DCTN5: variants seen among roughly 807,000 people sequenced by gnomAD.
DCTN5 encodes dynactin subunit 5.
In DCTN5, 14 loss-of-function variants were observed where a neutral mutation model predicts 23.5. The observed-to-expected ratio is 0.60, with a 90% CI of 0.39 to 0.93. DCTN5 has a LOEUF of 0.93. Ranked by LOEUF, DCTN5 falls within the 40% of genes least tolerant of loss-of-function variation. The pLI, the probability that DCTN5 is intolerant of heterozygous loss-of-function variation, is 0.00. For synonymous variants in DCTN5, 67 were observed against 79.6 expected (o/e 0.84, Z 0.84); for missense variants, 156 against 225.9 (o/e 0.69, Z 1.98).
chr16:23,642,725 G>A (rs1967322107), intron 1 of DCTN5: 9 of 508,164 alleles, frequency 1.8e-5, no homozygotes, highest in Non-Finnish European at 2.8e-5. Context: ...GTCCTCAAGG[G>A]ATCCGTCTGC....
In DCTN5 at chr16:23,667,193, G is replaced by C. The variant is rs1382422360; in HGVS notation, c.*49G>C. The C allele has an allele frequency of 1.2e-6, 2 of 1,604,926 alleles. No individual in the cohort carries two copies. Among genetic ancestry groups the C allele is most frequent in the Non-Finnish European group, 1.7e-6 (2 of 1,175,016 alleles). ...CTGCTTGAGCTCTAAGATGAACCTG[G>C]GGACAAAGTGAGCCAGTCAGCACCT... On this transcript the variant is annotated 3_prime_UTR_variant, in exon 6 of 6. Coordinates refer to ENST00000300087, the MANE Select transcript of DCTN5 (RefSeq NM_032486.4).
chr16:23,662,766 G>A (rs768038499), intron 4 of DCTN5, among the ~76,000 whole-genome samples: 3 of 152,158 alleles, frequency 2.0e-5, no homozygotes, highest in Non-Finnish European at 4.4e-5. Flanking sequence ...CTTCCAGCTG[G>A]GGGTTTCTGA....
At chr16:23,657,408 A>G (rs569616913) in intron 2 of DCTN5, 9 of 362,722 alleles carry the variant, frequency 2.5e-5, no homozygotes, top group Admixed American at 6.8e-5. Flanking sequence ...GTGAGCTATG[A>G]TTGTGGCACT....
rs1383734607 is a variant in DCTN5 at position 23,671,175 on chromosome 16, T to A, written c.*4031T>A. ...TGTGACTTTGAGCAAGTTATCTTAC[T>A]TCGTGGAACCTCAGGTTTCTCATCC... On this transcript the variant is annotated 3_prime_UTR_variant, in exon 6 of 6. Coordinates refer to ENST00000300087, the MANE Select transcript of DCTN5 (RefSeq NM_032486.4). The A allele has an allele frequency of 6.6e-6, 1 of 152,148 alleles. No individual in the cohort carries two copies. The highest frequency in any genetic ancestry group is 6.5e-5 in the Admixed American group (1 of 15,276). 9.4% of individuals were successfully genotyped at this position (152,148 alleles called of 1,614,324 possible).
intron 2 of DCTN5, among the ~76,000 whole-genome samples, chr16:23,647,610 C>T (rs973395273): frequency 6.6e-6 from 1 of 151,560 alleles, no homozygotes; most frequent in Non-Finnish European, 1.5e-5. Context: ...CAGGTTCAAG[C>T]AATTGTCCTG....
intron 2 of DCTN5, among the ~76,000 whole-genome samples, chr16:23,648,352 T>TTTTC (rs1567229640): frequency 1.4e-5 from 2 of 145,842 alleles, no homozygotes; most frequent in African/African-American, 5.0e-5. Flanking sequence ...TTCTTTTTTT[T>TTTTC]TTTTTTTTTT....
chr16:23,641,629 C>T (rs1287461766), intron 1 of DCTN5, 39 bp downstream of exon 1: 1 of 1,611,830 alleles, frequency 6.2e-7, no homozygotes, highest in African/African-American at 1.3e-5. Flanking sequence ...CTTTCCAACC[C>T]TGCGTCCCTT....
intron 2 of DCTN5, among the ~76,000 whole-genome samples, chr16:23,643,976 C>T (rs1441737221): frequency 6.6e-6 from 1 of 152,078 alleles, no homozygotes; most frequent in African/African-American, 2.4e-5. Context: ...TATTACATCT[C>T]TAACTTCCAG....
chr16:23,665,954 A>G (rs1967898235), intron 5 of DCTN5: 1 of 538,778 alleles, frequency 1.9e-6, no homozygotes, highest in Admixed American at 3.4e-5. Context: ...GAAGGGCCAA[A>G]CACAAAGAGG....
intron 2 of DCTN5, 95 bp downstream of exon 2, chr16:23,643,118 A>G: frequency 2.1e-6 from 2 of 930,738 alleles, no homozygotes; most frequent in Admixed American, 4.5e-5. Flanking sequence ...CATATCTCCT[A>G]TTTATTGTTT....
Position 23,659,323 on chromosome 16 carries a change from C to T in DCTN5, c.236+698C>T, listed in dbSNP as rs189143399. 1.5e-4 allele frequency among the ~76,000 whole-genome samples: 23 copies of T among 152,310 alleles called. 1 individual carries two copies. In the East Asian group the frequency reaches 2.1e-3, roughly 14 times the overall value. ...GCCAGGGACAGAGCAGGCAAACTGA[C>T]CACCATAGCTGATAATGGTGCTAAA... On this transcript the variant is annotated intron_variant, in intron 3 of 5. Coordinates refer to ENST00000300087, the MANE Select transcript of DCTN5 (RefSeq NM_032486.4).
chr16:23,645,664 T>C (rs1031489717), intron 2 of DCTN5, among the ~76,000 whole-genome samples: 1 of 152,214 alleles, frequency 6.6e-6, no homozygotes, highest in African/African-American at 2.4e-5. Context: ...ATTTGTCCTT[T>C]TTGTCTGGCT....
chr16:23,647,714 G>C (rs1967499929), intron 2 of DCTN5, among the ~76,000 whole-genome samples: 1 of 151,638 alleles, frequency 6.6e-6, no homozygotes, highest in African/African-American at 2.4e-5. Context: ...TACCATGTTG[G>C]CCAGGCTGGT....
intron 2 of DCTN5, among the ~76,000 whole-genome samples, chr16:23,649,960 C>G (rs1041263967): frequency 1.3e-5 from 2 of 151,960 alleles, no homozygotes; most frequent in Non-Finnish European, 2.9e-5. Flanking sequence ...AAGAGATTGT[C>G]CTTTTCCAGA....
At chr16:23,651,014 C>G in intron 2 of DCTN5, 1 of 1,407,082 alleles carries the variant, frequency 7.1e-7, no homozygotes, top group East Asian at 2.5e-5. Context: ...TTTTAAAATG[C>G]AAGATGTTCC....
intron 1 of DCTN5, among the ~76,000 whole-genome samples, chr16:23,642,353 C>T (rs981583092): frequency 3.9e-5 from 6 of 152,234 alleles, no homozygotes; most frequent in African/African-American, 1.4e-4. Context: ...CTCTGATACT[C>T]ATAGTCATTA....
chr16:23,659,006 T>G lies in DCTN5; in HGVS notation c.236+381T>G, dbSNP rs1967763579. Among the ~76,000 whole-genome samples the G allele has an allele frequency of 2.0e-5, 3 of 152,184 alleles. No individual in the cohort carries two copies. In the South Asian group the frequency reaches 6.2e-4, roughly 32 times the overall value. ...CTGTATCTGAGACTGTATTTTTTCT[T>G]CTATACTGCCCTTCTCTCTGCATTT... is the stretch of plus-strand genomic sequence containing the variant. On this transcript the variant is annotated intron_variant, in intron 3 of 5. Coordinates refer to ENST00000300087, the MANE Select transcript of DCTN5 (RefSeq NM_032486.4).
rs750453721 is a variant in DCTN5 at position 23,672,526 on chromosome 16, G to C, written c.*5382G>C. The C allele has an allele frequency of 6.6e-6, 1 of 152,206 alleles. No homozygotes were observed. The highest frequency in any genetic ancestry group is 2.4e-5 in the African/African-American group (1 of 41,438). The allele number at this position is 152,206 out of a possible 1,614,324, so 9.4% of individuals were successfully genotyped here. On this transcript the variant is annotated 3_prime_UTR_variant, in exon 6 of 6. Transcript: ENST00000300087. ...GTTTTGGTAGGGAGGGAGGGAGGAA[G>C]CAAGCAAGTGAACAAATGAGTCTGG...
At chr16:23,662,621 A>C (rs1265539816) in intron 4 of DCTN5, among the ~76,000 whole-genome samples, 2 of 152,220 alleles carry the variant, frequency 1.3e-5, no homozygotes, top group Non-Finnish European at 2.9e-5. Context: ...ATATCAAAAA[A>C]CTTGCAGAAA....
Sources: allele counts gnomAD v4.1 joint callset (sites outside exome capture counted in the v4.1 genomes callset), GRCh38; gene constraint gnomAD v4.1.1; transcripts MANE v1.5; gene names NCBI Gene and HGNC (gene_info 2026-07-23, HGNC 2026-07-21).